Variants in GRIK3 observed in about 807,000 individuals in gnomAD.
The protein encoded by GRIK3 is glutamate ionotropic receptor kainate type subunit 3, also known as glutamate receptor ionotropic, kainate 3.
A neutral mutation model predicts 102.5 loss-of-function variants in GRIK3; 29 were observed. That is an observed-to-expected ratio of 0.28 (90% confidence interval 0.21 to 0.39). The LOEUF (loss-of-function observed/expected upper bound fraction) is 0.39, where lower values mean the gene tolerates loss of function less well. Among genes scored for constraint, GRIK3 ranks in the 10% least tolerant of loss-of-function variants. The pLI, the probability that GRIK3 is intolerant of heterozygous loss-of-function variation, is 1.00. For synonymous variants in GRIK3, 511 were observed against 504.9 expected (o/e 1.01, Z -0.16); for missense variants, 908 against 1,252.4 (o/e 0.73, Z 4.15).
intron 9 of GRIK3, among the ~76,000 whole-genome samples, chr1:36,842,376 ACT>A (rs1640465047): frequency 6.6e-6 from 1 of 152,040 alleles, no homozygotes; most frequent in Admixed American, 6.6e-5. Flanking sequence ...TGAACCGGAA[ACT>A]CTGGGGAGAG....
Position 36,859,897 on chromosome 1 carries a change from G to A in GRIK3, c.907C>T (p.Arg303Trp), listed in dbSNP as rs752217194. ...TCGGACCGGGGAGCTGCCTGCAGCC[G>A]CTCCATGGACCACTTCTCCACAATG... Reference protein sequence around the residue: ...SAIVEKWSMERLQAAPRSESG... With the variant: ...SAIVEKWSMEWLQAAPRSESG... The change falls in exon 6 of 16, where the codon CGG becomes TGG. Residue 303 changes from arginine to tryptophan, a missense_variant. Arg to Trp is a moderately radical substitution (Grantham distance 101). Coordinates refer to ENST00000373091, the MANE Select transcript of GRIK3 (RefSeq NM_000831.4). 1.6e-5 allele frequency: 26 copies of A among 1,613,826 alleles called. No homozygotes were observed. The South Asian group carries it at 2.3e-4, about 14-fold the overall frequency.
Position 36,807,620 on chromosome 1 carries a change from C to G in GRIK3, c.2092-1294G>C, listed in dbSNP as rs189861677. Among the ~76,000 whole-genome samples, 285 of 152,234 alleles carry G rather than the reference C, an allele frequency of 1.9e-3. 2 individuals carry two copies. Among genetic ancestry groups the G allele is most frequent in the African/African-American group, 6.5e-3 (271 of 41,534 alleles). On this transcript the variant is annotated intron_variant, in intron 13 of 15. Coordinates refer to ENST00000373091, the MANE Select transcript of GRIK3 (RefSeq NM_000831.4). The stretch of plus-strand genomic sequence containing the variant: ...CTAAGGAGCCTGGGAGGAAAGTGTA[C>G]TTTCTATTCTCCAGGTGCTTCCTAG...
intron 13 of GRIK3, among the ~76,000 whole-genome samples, chr1:36,816,288 C>T (rs1642626352): frequency 6.6e-6 from 1 of 152,214 alleles, no homozygotes; most frequent in South Asian, 2.1e-4. Context: ...TGAGGCCCAG[C>T]ATTTAGCGCA....
At chr1:36,984,582 T>C (rs934119969) in intron 1 of GRIK3, among the ~76,000 whole-genome samples, 2 of 152,234 alleles carry the variant, frequency 1.3e-5, no homozygotes, top group South Asian at 4.1e-4. Context: ...GAGGTGTCTT[T>C]GGGGCATTAA....
rs77357704 is a variant in GRIK3 at position 36,942,465 on chromosome 1, C to G, written c.116-51369G>C. ...GTTTTCAGTGAAGTGTGAATACTCT[C>G]TCTCCAAACCTCCCGTGAATTCCAG... On this transcript the variant is annotated intron_variant, in intron 1 of 15. Transcript: ENST00000373091. 3.6e-3 allele frequency among the ~76,000 whole-genome samples: 556 copies of G among 152,340 alleles called. 2 individuals are homozygous for G. Among genetic ancestry groups the G allele is most frequent in the African/African-American group, 0.013 (537 of 41,578 alleles).
chr1:36,865,938 G>A (rs1640780020), intron 5 of GRIK3, among the ~76,000 whole-genome samples: 1 of 152,150 alleles, frequency 6.6e-6, no homozygotes, highest in Non-Finnish European at 1.5e-5. Flanking sequence ...GGAGTGCAGC[G>A]GCACAATCTT....
intron 1 of GRIK3, among the ~76,000 whole-genome samples, chr1:37,009,406 C>T (rs1364341765): frequency 1.3e-5 from 2 of 152,356 alleles, no homozygotes; most frequent in Admixed American, 1.3e-4. Flanking sequence ...CCCTCACACC[C>T]CCAGCCCCAG....
intron 1 of GRIK3, among the ~76,000 whole-genome samples, chr1:36,943,018 C>G (rs1021489329): frequency 2.0e-5 from 3 of 152,124 alleles, no homozygotes; most frequent in Admixed American, 6.5e-5. Context: ...AGTGTTGTAC[C>G]CACTACACAT....
intron 1 of GRIK3, among the ~76,000 whole-genome samples, chr1:37,031,313 G>T (rs12729305): frequency 0.1 from 15,637 of 152,042 alleles, 1,430 homozygotes; most frequent in East Asian, 0.53. Flanking sequence ...TTTGTTACTT[G>T]CAAACCATCC....
At chr1:36,877,652 GC>G (rs1324987400) in intron 3 of GRIK3, among the ~76,000 whole-genome samples, 1 of 152,100 alleles carries the variant, frequency 6.6e-6, no homozygotes, top group African/African-American at 2.4e-5. Flanking sequence ...CTCTCCCCTA[GC>G]CAGGCTGTCC....
intron 2 of GRIK3, among the ~76,000 whole-genome samples, chr1:36,884,163 T>A (rs1456596897): frequency 2.0e-5 from 3 of 152,224 alleles, no homozygotes; most frequent in Non-Finnish European, 4.4e-5. Flanking sequence ...CTGGTGCTTC[T>A]GTAGTTCTGG....
At chr1:36,832,914 C>A (rs757164835) in intron 10 of GRIK3, among the ~76,000 whole-genome samples, 6 of 152,330 alleles carry the variant, frequency 3.9e-5, no homozygotes, top group African/African-American at 1.2e-4. Flanking sequence ...CCCCCTGCCC[C>A]CAAGGCTAGG....
chr1:36,874,786 AG>A (rs1346916212), intron 3 of GRIK3, among the ~76,000 whole-genome samples: 1 of 152,218 alleles, frequency 6.6e-6, no homozygotes, highest in African/African-American at 2.4e-5. Flanking sequence ...AGAGGCCACC[AG>A]GGCCTTCTTG....
intron 1 of GRIK3, among the ~76,000 whole-genome samples, chr1:36,913,803 G>A (rs190054644): frequency 2.6e-5 from 4 of 152,154 alleles, no homozygotes; most frequent in Non-Finnish European, 5.9e-5. Flanking sequence ...TATCACTGCC[G>A]TCCACCATCG....
At chr1:37,002,668 T>G (rs1246299756) in intron 1 of GRIK3, among the ~76,000 whole-genome samples, 1 of 136,296 alleles carries the variant, frequency 7.3e-6, no homozygotes, top group African/African-American at 3.3e-5. Flanking sequence ...TTTTCTTTCT[T>G]TCTTTTTTTT....
In GRIK3 at chr1:36,853,609, A is replaced by G. The variant is rs1156321337; in HGVS notation, c.1212+6T>C. ...CGCCTGCCCTCCCTCTCCTGAGACC[A>G]CGCACCTTCTCCAGGCCATCCTCTT... On this transcript the variant is annotated splice_donor_region_variant and intron_variant, in intron 8 of 15. Coordinates refer to ENST00000373091, the MANE Select transcript of GRIK3 (RefSeq NM_000831.4). 3 of 1,591,846 alleles carry G rather than the reference A, an allele frequency of 1.9e-6. No homozygotes were observed. Among genetic ancestry groups the G allele is most frequent in the Non-Finnish European group, 2.6e-6 (3 of 1,159,722 alleles).
At chr1:36,823,500 A>T (rs1053374553) in intron 11 of GRIK3, among the ~76,000 whole-genome samples, 15 of 147,510 alleles carry the variant, frequency 1.0e-4, no homozygotes, top group African/African-American at 3.8e-4. Flanking sequence ...AAAAAAAAAA[A>T]ATTAAACTAG....
intron 9 of GRIK3, among the ~76,000 whole-genome samples, chr1:36,845,714 A>G (rs1008790578): frequency 5.3e-5 from 8 of 152,350 alleles, no homozygotes; most frequent in East Asian, 3.9e-4. Flanking sequence ...CACAGAGGCC[A>G]AGGACCTTGG....
At chr1:36,949,574 C>CA (rs1641820869) in intron 1 of GRIK3, among the ~76,000 whole-genome samples, 1 of 99,668 alleles carries the variant, frequency 1.0e-5, no homozygotes, top group Non-Finnish European at 2.0e-5. Context: ...CTCTCTCTTT[C>CA]TTTTTTTTTT....
Sources: gnomAD v4.1 joint callset for allele counts (sites outside exome capture counted in the v4.1 genomes callset) on GRCh38, gnomAD v4.1.1 for gene constraint, MANE v1.5 for transcripts, NCBI Gene and HGNC (gene_info 2026-07-23, HGNC 2026-07-21) for gene names.